The following BLTP1 variants were observed in gnomAD, a reference collection of about 807,000 sequenced individuals.
BLTP1 encodes the protein bridge-like lipid transfer protein family member 1.
At chr4:122,325,719 A>G in the BLTP1 span, 1 of 847,264 alleles carries the variant, frequency 1.2e-6, no homozygotes, top group Non-Finnish European at 1.6e-6. Context: ...ATCAGCTTCA[A>G]AGTTGTATTC....
At chr4:122,329,957 A>C in the BLTP1 span, among the ~76,000 whole-genome samples, 2 of 151,770 alleles carry the variant, frequency 1.3e-5, no homozygotes, top group African/African-American at 4.8e-5. Flanking sequence ...TAGATACCTC[A>C]TGTAAGTGGA....
chr4:122,183,589 C>G, the BLTP1 span: 11 of 869,244 alleles, frequency 1.3e-5, no homozygotes, highest in Non-Finnish European at 1.5e-5. Context: ...ATACAAGGAG[C>G]ACTGGACTAG....
At chr4:122,253,716 C>T in the BLTP1 span, among the ~76,000 whole-genome samples, 35 of 152,034 alleles carry the variant, frequency 2.3e-4, no homozygotes, top group Non-Finnish European at 4.1e-4. Flanking sequence ...TAGAGAAAGA[C>T]GGGTGGAAAG....
the BLTP1 span, chr4:122,185,957 G>T: frequency 1.8e-6 from 2 of 1,126,038 alleles, no homozygotes; most frequent in Non-Finnish European, 2.5e-6. Flanking sequence ...ATTACTTTGG[G>T]TGTATAAAAA....
chr4:122,263,083 C>G, the BLTP1 span: 1 of 1,390,736 alleles, frequency 7.2e-7, no homozygotes, highest in Non-Finnish European at 9.6e-7. Flanking sequence ...GGTAGTACAA[C>G]TAATCTCTCA....
At chr4:122,184,254 G>A in the BLTP1 span, among the ~76,000 whole-genome samples, 1 of 152,138 alleles carries the variant, frequency 6.6e-6, no homozygotes, top group African/African-American at 2.4e-5. Context: ...TTAGGAATAA[G>A]TTTAGCCATC....
At chr4:122,307,499 TTTA>T in the BLTP1 span, 1 of 985,244 alleles carries the variant, frequency 1.0e-6, no homozygotes, top group Non-Finnish European at 1.2e-6. Flanking sequence ...TTTGTTTCTG[TTTA>T]ACAAACTCAA....
At chr4:122,354,505 C>G in the BLTP1 span, among the ~76,000 whole-genome samples, 1 of 148,730 alleles carries the variant, frequency 6.7e-6, no homozygotes, top group African/African-American at 2.5e-5. Context: ...TTAGATACAA[C>G]AGTCTTGTGA....
At chr4:122,262,733 A>G in the BLTP1 span, 1 of 1,531,916 alleles carries the variant, frequency 6.5e-7, no homozygotes, top group Non-Finnish European at 8.8e-7. Context: ...TTATATACAT[A>G]AGAAATAACC....
the BLTP1 span, among the ~76,000 whole-genome samples, chr4:122,202,157 C>T: frequency 6.6e-6 from 1 of 152,084 alleles, no homozygotes; most frequent in Non-Finnish European, 1.5e-5. Flanking sequence ...AGATAGACTG[C>T]TTCTGCTTTC....
the BLTP1 span, among the ~76,000 whole-genome samples, chr4:122,342,467 T>A: frequency 4.1e-4 from 63 of 152,112 alleles, 1 homozygote; most frequent in Non-Finnish European, 3.4e-4. Flanking sequence ...GCAATTCTCC[T>A]GCCTCAGCCT....
chr4:122,243,304 A>C, the BLTP1 span: 1 of 637,144 alleles, frequency 1.6e-6, no homozygotes, highest in East Asian at 1.4e-4. Flanking sequence ...ATAAGACTTC[A>C]GTATCATATT....
At chr4:122,231,254 T>G in the BLTP1 span, among the ~76,000 whole-genome samples, 1 of 152,232 alleles carries the variant, frequency 6.6e-6, no homozygotes, top group Non-Finnish European at 1.5e-5. Flanking sequence ...AATTTCAGTT[T>G]ATATCCACAA....
the BLTP1 span, among the ~76,000 whole-genome samples, chr4:122,210,658 C>T: frequency 6.6e-6 from 1 of 152,040 alleles, no homozygotes. Flanking sequence ...TGATTCTCTG[C>T]AGGCTGATTT....
the BLTP1 span, chr4:122,174,282 T>A: frequency 4.1e-6 from 4 of 985,150 alleles, no homozygotes; most frequent in Non-Finnish European, 4.8e-6. Context: ...TACTTTGGGT[T>A]TATTTAATGG....
the BLTP1 span, chr4:122,325,819 T>G: frequency 2.9e-6 from 3 of 1,041,408 alleles, no homozygotes; most frequent in Admixed American, 3.8e-5. Flanking sequence ...TTCATGAGTT[T>G]TTTTTTTTTT....
At chr4:122,259,273 C>G in the BLTP1 span, among the ~76,000 whole-genome samples, 3 of 152,184 alleles carry the variant, frequency 2.0e-5, no homozygotes, top group Admixed American at 2.0e-4. Context: ...GGTTAGAGTA[C>G]CACCTTGCAA....
At chr4:122,152,556 G>A in the BLTP1 span, 2 of 985,694 alleles carry the variant, frequency 2.0e-6, no homozygotes, top group Non-Finnish European at 2.4e-6. Context: ...AGGCCAGAGG[G>A]ATTTCGGGCT....
the BLTP1 span, chr4:122,204,298 G>A: frequency 5.1e-6 from 5 of 972,184 alleles, no homozygotes; most frequent in Non-Finnish European, 6.1e-6. Context: ...ATCAGAGAAA[G>A]TAAGGAAAGA....
Sources: gnomAD v4.1 joint callset for allele counts (sites outside exome capture counted in the v4.1 genomes callset) on GRCh38, gnomAD v4.1.1 for gene constraint, MANE v1.5 for transcripts, NCBI Gene and HGNC (gene_info 2026-07-23, HGNC 2026-07-21) for gene names.